The following PRR5L variants were observed in gnomAD, a reference collection of about 807,000 sequenced individuals.
PRR5L encodes the protein proline-rich protein 5-like.
In PRR5L, 21 loss-of-function variants were observed where a neutral mutation model predicts 36.4. That is an observed-to-expected ratio of 0.58 (90% CI 0.41 to 0.83). PRR5L has a LOEUF of 0.83. PRR5L is among the 40% of genes least tolerant of loss of function. The pLI, the probability that PRR5L is intolerant of heterozygous loss-of-function variation, is 0.00. For missense variants in PRR5L, 381 were observed against 473.3 expected (o/e 0.80, Z 1.81); for synonymous variants, 188 against 197.0 (o/e 0.95, Z 0.38).
In PRR5L at chr11:36,463,372, CA is replaced by C. The variant is rs1223330753; in HGVS notation, c.*637del. On this transcript the variant is annotated 3_prime_UTR_variant, in exon 9 of 9. Transcript: ENST00000530639. ...ACATCCAGATCCTATGTGCTGCTTG[CA>C]CAGAGGCCTTTGGCTTTTGACCCAG... 1 of 152,204 alleles carries C rather than the reference CA, an allele frequency of 6.6e-6. No homozygotes were observed. The highest frequency in any genetic ancestry group is 1.5e-5 in the Non-Finnish European group (1 of 68,054). The allele number at this position is 152,204 out of a possible 1,614,324, so 9.4% of individuals were successfully genotyped here. A position where few individuals can be genotyped will look rare whatever the true frequency, so the allele number is the denominator to read the frequency against.
intron 4 of PRR5L, among the ~76,000 whole-genome samples, chr11:36,426,609 A>C (rs752358550): frequency 6.6e-6 from 1 of 152,252 alleles, no homozygotes; most frequent in Non-Finnish European, 1.5e-5. Flanking sequence ...ACCTTGGTGC[A>C]AAGTCTGGTC....
At chr11:36,315,092 T>C (rs72948137) in intron 1 of PRR5L, among the ~76,000 whole-genome samples, 3,454 of 152,294 alleles carry the variant, frequency 0.023, 83 homozygotes, top group East Asian at 0.099. Flanking sequence ...ATAAGGACTA[T>C]AGGGCACAAA....
At chr11:36,323,893 A>C (rs565341508) in intron 1 of PRR5L, among the ~76,000 whole-genome samples, 4 of 152,316 alleles carry the variant, frequency 2.6e-5, no homozygotes, top group Non-Finnish European at 4.4e-5. Flanking sequence ...CTTTTAAAAA[A>C]TTGAGCTAAA....
chr11:36,414,595 G>A (rs1273097639), intron 3 of PRR5L, among the ~76,000 whole-genome samples: 1 of 140,710 alleles, frequency 7.1e-6, no homozygotes, highest in Non-Finnish European at 1.5e-5. Context: ...TGAGTTCATT[G>A]TAGATTCTGG....
intron 1 of PRR5L, among the ~76,000 whole-genome samples, chr11:36,335,121 C>T (rs1856756183): frequency 6.6e-6 from 1 of 151,892 alleles, no homozygotes; most frequent in Non-Finnish European, 1.5e-5. Flanking sequence ...GAGTCTTACT[C>T]TGTGGCCCAG....
chr11:36,320,898 A>G (rs1412676312), intron 1 of PRR5L, among the ~76,000 whole-genome samples: 1 of 152,218 alleles, frequency 6.6e-6, no homozygotes, highest in Non-Finnish European at 1.5e-5. Context: ...ATGGCTTGGC[A>G]TGTGGTACTC....
intron 1 of PRR5L, among the ~76,000 whole-genome samples, chr11:36,322,966 C>T (rs115012591): frequency 0.04 from 6,019 of 152,208 alleles, 126 homozygotes; most frequent in Middle Eastern, 0.054. Context: ...TCGCTGGCGA[C>T]GACACCAGAA....
At chr11:36,350,248 G>T (rs1856914847) in intron 1 of PRR5L, among the ~76,000 whole-genome samples, 1 of 150,204 alleles carries the variant, frequency 6.7e-6, no homozygotes, top group African/African-American at 2.5e-5. Context: ...GTGAGTGTGT[G>T]TGTGGGATGG....
intron 1 of PRR5L, chr11:36,323,578 A>T (rs968747924): frequency 1.3e-5 from 2 of 152,018 alleles, no homozygotes; most frequent in Non-Finnish European, 2.9e-5. Context: ...GACATGAAAA[A>T]CCTGTCTTCA....
intron 1 of PRR5L, among the ~76,000 whole-genome samples, chr11:36,395,812 C>T (rs1857647043): frequency 6.6e-6 from 1 of 152,100 alleles, no homozygotes; most frequent in Non-Finnish European, 1.5e-5. Context: ...ACCTTGAACT[C>T]CTGGGCCCAA....
intron 1 of PRR5L, among the ~76,000 whole-genome samples, chr11:36,345,139 G>A (rs1332512854): frequency 2.6e-5 from 4 of 152,104 alleles, no homozygotes; most frequent in Non-Finnish European, 5.9e-5. Context: ...GGGACTGATG[G>A]TTGTGTTCTG....
chr11:36,351,414 T>TATATATATTTATATATAC (rs1565407777), intron 1 of PRR5L, among the ~76,000 whole-genome samples: 7 of 73,410 alleles, frequency 9.5e-5, no homozygotes, highest in African/African-American at 4.3e-4. Flanking sequence ...AATATATATG[T>TATATATATTTATATATAC]ATATATATTT....
intron 1 of PRR5L, among the ~76,000 whole-genome samples, chr11:36,320,759 C>T (rs1198306713): frequency 1.3e-5 from 2 of 152,192 alleles, no homozygotes; most frequent in Non-Finnish European, 2.9e-5. Context: ...TCTTACTGTG[C>T]AACATTAAAC....
intron 4 of PRR5L, among the ~76,000 whole-genome samples, chr11:36,425,107 C>T (rs184794966): frequency 1.7e-4 from 26 of 152,298 alleles, no homozygotes; most frequent in Non-Finnish European, 2.1e-4. Context: ...CAGGTGTGAG[C>T]CACCGCCCCC....
At chr11:36,345,893 G>C (rs969348118) in intron 1 of PRR5L, among the ~76,000 whole-genome samples, 3 of 152,216 alleles carry the variant, frequency 2.0e-5, no homozygotes, top group Admixed American at 6.5e-5. Flanking sequence ...TTTCCTAAAA[G>C]TATAATTCCT....
chr11:36,304,550 G>A (rs1856409815), intron 1 of PRR5L, among the ~76,000 whole-genome samples: 1 of 152,178 alleles, frequency 6.6e-6, no homozygotes, highest in Admixed American at 6.5e-5. Flanking sequence ...CAGCATGAAT[G>A]GTCCTTCCTC....
intron 1 of PRR5L, among the ~76,000 whole-genome samples, chr11:36,359,296 T>C (rs1396313351): frequency 6.6e-6 from 1 of 152,164 alleles, no homozygotes; most frequent in East Asian, 1.9e-4. Flanking sequence ...TTGAAAGATT[T>C]TGTCTTAGCG....
chr11:36,372,856 A>G lies in PRR5L; in HGVS notation c.-125-28141A>G, dbSNP rs150558868. 5.3e-3 allele frequency among the ~76,000 whole-genome samples: 804 copies of G among 152,342 alleles called. 7 individuals are homozygous for G. Among genetic ancestry groups the G allele is most frequent in the African/African-American group, 0.018 (767 of 41,578 alleles). Reference sequence around the variant, plus strand: ...AAGTAGTTCAAACAATGTTGACCTCATAAGGTTCAAACAATACAATCTAAT... The same window carrying G: ...AAGTAGTTCAAACAATGTTGACCTCGTAAGGTTCAAACAATACAATCTAAT... On this transcript the variant is annotated intron_variant, in intron 1 of 8. Transcript: ENST00000530639.
intron 1 of PRR5L, among the ~76,000 whole-genome samples, chr11:36,324,086 G>T (rs72948150): frequency 6.6e-6 from 1 of 151,920 alleles, no homozygotes; most frequent in Non-Finnish European, 1.5e-5. Flanking sequence ...GTTCACAAAA[G>T]ACTTAACAAA....
Sources: allele counts gnomAD v4.1 joint callset (sites outside exome capture counted in the v4.1 genomes callset), GRCh38; gene constraint gnomAD v4.1.1; transcripts MANE v1.5; gene names NCBI Gene and HGNC (gene_info 2026-07-23, HGNC 2026-07-21).